Variants in KAT6B observed in about 807,000 individuals in gnomAD.
KAT6B encodes the protein histone acetyltransferase KAT6B.
In KAT6B, 10 loss-of-function variants were observed where a neutral mutation model predicts 187.5. The ratio of observed to expected loss-of-function variants is 0.05; its 90% CI spans 0.03 to 0.09. KAT6B has a LOEUF of 0.09. KAT6B is among the 10% of genes least tolerant of loss of function. The probability of loss-of-function intolerance (pLI) is 1.00; values close to 1 mark genes in which losing one functional copy is unlikely to be tolerated. For synonymous variants in KAT6B, 861 were observed against 926.8 expected (o/e 0.93, Z 1.29); for missense variants, 1,952 against 2,558.9 (o/e 0.76, Z 5.12).
chr10:74,986,986 A>G (rs1842848018), intron 12 of KAT6B, among the ~76,000 whole-genome samples: 1 of 151,962 alleles, frequency 6.6e-6, no homozygotes, highest in Non-Finnish European at 1.5e-5. Flanking sequence ...TCTTCCTGCC[A>G]GGGTACCCAA....
chr10:74,832,904 C>G (rs1166016854), intron 1 of KAT6B, among the ~76,000 whole-genome samples: 6 of 151,766 alleles, frequency 4.0e-5, no homozygotes, highest in Non-Finnish European at 8.8e-5. Context: ...GCAGCTGGAT[C>G]ACAAGGTCAG....
intron 3 of KAT6B, among the ~76,000 whole-genome samples, chr10:74,911,809 AATTTATTTTT>A (rs1847220824): frequency 6.6e-6 from 1 of 151,864 alleles, no homozygotes; most frequent in Non-Finnish European, 1.5e-5. Flanking sequence ...TTCATTTTTA[AATTTATTTTT>A]ATTTATTTTT....
At chr10:74,829,000 T>A (rs1840517984) in intron 1 of KAT6B, among the ~76,000 whole-genome samples, 2 of 146,144 alleles carry the variant, frequency 1.4e-5, no homozygotes. Context: ...AGTGGTGAAG[T>A]GATGGTTTAA....
chr10:74,847,747 T>C lies in KAT6B; in HGVS notation c.621+4269T>C, dbSNP rs184077939. Among the ~76,000 whole-genome samples the C allele has an allele frequency of 1.6e-4, 25 of 152,134 alleles. No individual in the cohort carries two copies. In the East Asian group the frequency reaches 1.7e-3, roughly 11 times the overall value. ...CAACATAATATATTACCCTTTGAAA[T>C]TAAAAGTGATTTAATAGTTTAAAAC... On this transcript the variant is annotated intron_variant, in intron 3 of 17. Coordinates refer to ENST00000287239, the MANE Select transcript of KAT6B (RefSeq NM_012330.4).
chr10:74,885,925 G>T (rs1451297900), intron 3 of KAT6B, among the ~76,000 whole-genome samples: 2 of 152,082 alleles, frequency 1.3e-5, no homozygotes, highest in South Asian at 2.1e-4. Context: ...TGGAGACAGG[G>T]TTTCACCATG....
intron 13 of KAT6B, among the ~76,000 whole-genome samples, chr10:75,019,770 T>TG (rs1845247306): frequency 6.6e-6 from 1 of 151,946 alleles, no homozygotes; most frequent in African/African-American, 2.4e-5. Flanking sequence ...GTTTCTTTTT[T>TG]TTTTTTTTTT....
In KAT6B at chr10:74,843,211, TGAG is replaced by T. The variant is rs775368710; in HGVS notation, c.358_360del (p.Glu120del). On this transcript the variant is annotated inframe_deletion, in exon 3 of 18. Coordinates refer to ENST00000287239, the MANE Select transcript of KAT6B (RefSeq NM_012330.4). ...TTTTAAGGAGAGCAATTGAAGGACTTGAGGAGCCGAATGGCTCCTCCCTGAAGA... is the reference window on the plus strand; with the variant it reads ...TTTTAAGGAGAGCAATTGAAGGACTTGAGCCGAATGGCTCCTCCCTGAAGA... 1.9e-6 allele frequency: 3 copies of T among 1,614,214 alleles called. No homozygotes were observed. The highest frequency in any genetic ancestry group is 1.1e-5 in the South Asian group (1 of 91,088).
At chr10:74,974,126 G>A (rs540558416) in intron 7 of KAT6B, among the ~76,000 whole-genome samples, 107 of 152,132 alleles carry the variant, frequency 7.0e-4, no homozygotes, top group Non-Finnish European at 1.4e-3. Context: ...TGAGTTCCTT[G>A]TTGGTAACTC....
chr10:74,949,923 A>T (rs1840203737), intron 3 of KAT6B, among the ~76,000 whole-genome samples: 1 of 152,222 alleles, frequency 6.6e-6, no homozygotes, highest in South Asian at 2.1e-4. Flanking sequence ...TGTGACAAGG[A>T]GGTAAAAATA....
At chr10:74,985,050 T>C (rs1427035014) in intron 11 of KAT6B, 30 bp from the exon 12 acceptor site, 2 of 1,599,314 alleles carry the variant, frequency 1.3e-6, no homozygotes, top group African/African-American at 1.3e-5. Flanking sequence ...ATTTTTATGT[T>C]AAATAATGTT....
At position 74,967,926 on chromosome 10, in the gene KAT6B, C is replaced by T. The variant is rs74612909; in HGVS notation, c.731-1734C>T. Among the ~76,000 whole-genome samples, 81 of 152,102 alleles carry T rather than the reference C, an allele frequency of 5.3e-4. No individual in the cohort carries two copies. The East Asian group carries it at 0.014, about 26-fold the overall frequency. ...TTTGAATGTAGAGAAAAATTCAGTGCGTGAAATTGAGGTCATATGTGCCCA... is the reference window on the plus strand; with the variant it reads ...TTTGAATGTAGAGAAAAATTCAGTGTGTGAAATTGAGGTCATATGTGCCCA... On this transcript the variant is annotated intron_variant, in intron 4 of 17. Coordinates refer to ENST00000287239, the MANE Select transcript of KAT6B (RefSeq NM_012330.4).
intron 3 of KAT6B, among the ~76,000 whole-genome samples, chr10:74,915,519 GT>G (rs1248568755): frequency 5.9e-5 from 9 of 152,150 alleles, no homozygotes; most frequent in Non-Finnish European, 8.8e-5. Context: ...TTTGCATTCT[GT>G]TTTTCATTGA....
At chr10:74,859,814 A>G (rs1440188066) in intron 3 of KAT6B, among the ~76,000 whole-genome samples, 3 of 152,236 alleles carry the variant, frequency 2.0e-5, no homozygotes, top group African/African-American at 7.2e-5. Context: ...TGGAGCATGT[A>G]TACTAGCTTA....
At chr10:74,836,989 ACT>A (rs1284549917) in intron 1 of KAT6B, among the ~76,000 whole-genome samples, 1 of 152,232 alleles carries the variant, frequency 6.6e-6, no homozygotes, top group Non-Finnish European at 1.5e-5. Flanking sequence ...TTTTTCTACC[ACT>A]GTTTTTTGCC....
At chr10:74,985,661 A>T (rs970942273) in intron 12 of KAT6B, among the ~76,000 whole-genome samples, 1 of 152,148 alleles carries the variant, frequency 6.6e-6, no homozygotes, top group African/African-American at 2.4e-5. Flanking sequence ...TGGCATTTGG[A>T]CAGTCAAGCT....
At chr10:74,830,173 T>C (rs1314210377) in intron 1 of KAT6B, among the ~76,000 whole-genome samples, 1 of 152,176 alleles carries the variant, frequency 6.6e-6, no homozygotes, top group Non-Finnish European at 1.5e-5. Flanking sequence ...AATTTGCATT[T>C]CCAAAGCACC....
At chr10:74,834,261 G>A (rs1281094973) in intron 1 of KAT6B, among the ~76,000 whole-genome samples, 15 of 150,530 alleles carry the variant, frequency 1.0e-4, no homozygotes, top group East Asian at 2.0e-4. Context: ...GCAGTGGCGC[G>A]ATCTCGGCTC....
At position 74,975,470 on chromosome 10, in the gene KAT6B, C is replaced by T. The variant is rs1842089916; in HGVS notation, c.1133C>T (p.Thr378Ile). The change falls in exon 8 of 18, where the codon ACT becomes ATT. Residue 378 changes from threonine (T) to isoleucine (I), a missense_variant. Physicochemically the swap from Thr to Ile is moderately conservative, Grantham distance 89 (BLOSUM62 -1). This residue lies in a region of KAT6B where 417 missense variants were observed against 508.9 expected (regional missense o/e 0.82). Coordinates refer to ENST00000287239, the MANE Select transcript of KAT6B (RefSeq NM_012330.4). ...GRGSPGRGQK[T>I]KVCTTPSSGH... ...GGGTCACCTGGTAGGGGTCAAAAGACTAAAGTCTGTACCACACCTTCATCT... is the reference window on the plus strand; with the variant it reads ...GGGTCACCTGGTAGGGGTCAAAAGATTAAAGTCTGTACCACACCTTCATCT... 1 of 1,614,022 alleles carries T rather than the reference C, an allele frequency of 6.2e-7. No individual in the cohort carries two copies. Among genetic ancestry groups the T allele is most frequent in the Non-Finnish European group, 8.5e-7 (1 of 1,180,034 alleles).
chr10:75,018,802 C>A (rs1447623970), intron 13 of KAT6B, among the ~76,000 whole-genome samples: 1 of 152,172 alleles, frequency 6.6e-6, no homozygotes, highest in Non-Finnish European at 1.5e-5. Flanking sequence ...CTTTCACACT[C>A]ACTGCAGGGG....
Sources: gnomAD v4.1 joint callset for allele counts (sites outside exome capture counted in the v4.1 genomes callset) on GRCh38, gnomAD v4.1.1 for gene constraint, gnomAD v4.1.1 regional missense constraint, MANE v1.5 for transcripts, NCBI Gene and HGNC (gene_info 2026-07-23, HGNC 2026-07-21) for gene names.